Variants in LINGO2 observed in about 807,000 individuals in gnomAD.
LINGO2 encodes the protein leucine rich repeat and Ig domain containing 2, also known as leucine-rich repeat and immunoglobulin-like domain-containing nogo receptor-interacting protein 2.
A neutral mutation model predicts 30.6 loss-of-function variants in LINGO2; 14 were observed. That is an observed-to-expected ratio of 0.46 (90% CI 0.30 to 0.72). The LOEUF (loss-of-function observed/expected upper bound fraction) is 0.72, where lower values mean the gene tolerates loss of function less well. Ranked by LOEUF, LINGO2 falls within the 30% of genes least tolerant of loss-of-function variation. The pLI, the probability that LINGO2 is intolerant of heterozygous loss-of-function variation, is 0.07. For synonymous variants in LINGO2, 317 were observed against 288.5 expected (o/e 1.10, Z -1.00); for missense variants, 729 against 751.7 (o/e 0.97, Z 0.35).
At chr9:28,346,868 C>T (rs937237690) in intron 3 of LINGO2, among the ~76,000 whole-genome samples, 1 of 151,250 alleles carries the variant, frequency 6.6e-6, no homozygotes, top group Non-Finnish European at 1.5e-5. Flanking sequence ...CCTTTGTATA[C>T]TTTTTAATAG....
intron 2 of LINGO2, among the ~76,000 whole-genome samples, chr9:28,412,360 T>C (rs901698803): frequency 1.3e-5 from 2 of 152,096 alleles, no homozygotes; most frequent in Non-Finnish European, 2.9e-5. Context: ...AAAATATCTA[T>C]TCAAATCCTT....
intron 1 of LINGO2, among the ~76,000 whole-genome samples, chr9:28,580,532 G>T (rs1008855454): frequency 6.6e-6 from 1 of 150,764 alleles, no homozygotes; most frequent in Non-Finnish European, 1.5e-5. Flanking sequence ...ATCTATTTCA[G>T]CTCTTGACCA....
chr9:28,286,179 T>C (rs1049896978), intron 4 of LINGO2, among the ~76,000 whole-genome samples: 1 of 152,210 alleles, frequency 6.6e-6, no homozygotes, highest in Non-Finnish European at 1.5e-5. Flanking sequence ...TAAAGTAGCA[T>C]TATCTGACAA....
At chr9:27,999,461 A>AGAGAGAGAGC (rs1271403411) in intron 5 of LINGO2, among the ~76,000 whole-genome samples, 4 of 150,418 alleles carry the variant, frequency 2.7e-5, no homozygotes, top group African/African-American at 9.9e-5. Flanking sequence ...AGAGAGAGAG[A>AGAGAGAGAGC]GAGAGAGAGA....
rs962695032 is a variant in LINGO2, at chr9:28,174,921, T to TGTGTGTGTGTGA, written c.-87+120286_-87+120287insTCACACACACAC. Among the ~76,000 whole-genome samples the TGTGTGTGTGTGA allele has an allele frequency of 7.0e-3, 940 of 133,344 alleles. 5 individuals carry two copies. The highest frequency in any genetic ancestry group is 0.016 in the African/African-American group (564 of 35,432). The allele number at this position is 133,344 out of a possible 152,430, so 87.5% of individuals were successfully genotyped here. On this transcript the variant is annotated intron_variant, in intron 4 of 5. Coordinates refer to ENST00000379992, the Ensembl canonical transcript of LINGO2. The stretch of plus-strand genomic sequence containing the variant: ...CTCTGTGTGTGTGTGTGTGTGTGTG[T>TGTGTGTGTGTGA]GAGAGAGAGAGAGAGAGAGAGAGAG...
At chr9:28,314,368 C>T (rs1246562369) in intron 3 of LINGO2, among the ~76,000 whole-genome samples, 1 of 152,134 alleles carries the variant, frequency 6.6e-6, no homozygotes, top group Admixed American at 6.5e-5. Context: ...CAATTTGAAA[C>T]CCAAGACAAA....
chr9:28,790,325 C>CTTTCTTTTTTTTTTT, the LINGO2 span, among the ~76,000 whole-genome samples: 3 of 106,300 alleles, frequency 2.8e-5, no homozygotes, highest in African/African-American at 1.2e-4. Flanking sequence ...TCTTTTCTTT[C>CTTTCTTTTTTTTTTT]TTTTTTTTTT....
chr9:29,201,293 T>C, the LINGO2 span, among the ~76,000 whole-genome samples: 1 of 152,078 alleles, frequency 6.6e-6, no homozygotes, highest in South Asian at 2.1e-4. Flanking sequence ...CGCATGGATA[T>C]TTTAGGCACA....
At chr9:28,622,054 A>G (rs1826423674) in intron 1 of LINGO2, among the ~76,000 whole-genome samples, 2 of 152,116 alleles carry the variant, frequency 1.3e-5, no homozygotes, top group African/African-American at 2.4e-5. Flanking sequence ...TACTAGGTGC[A>G]TATATGTATG....
At chr9:28,246,870 T>C (rs1822020583) in intron 4 of LINGO2, among the ~76,000 whole-genome samples, 1 of 152,100 alleles carries the variant, frequency 6.6e-6, no homozygotes. Context: ...AAAGGTCTAA[T>C]ATACAGAATT....
chr9:28,532,879 T>C (rs1022173870), intron 1 of LINGO2, among the ~76,000 whole-genome samples: 1 of 152,102 alleles, frequency 6.6e-6, no homozygotes, highest in Non-Finnish European at 1.5e-5. Flanking sequence ...CTGCCTCTTA[T>C]AGACCGAATC....
chr9:28,473,941 C>T (rs767271432), intron 2 of LINGO2, among the ~76,000 whole-genome samples: 7 of 152,008 alleles, frequency 4.6e-5, no homozygotes, highest in Non-Finnish European at 8.8e-5. Flanking sequence ...TGATAAAAAA[C>T]ATTCCATCAG....
chr9:28,857,709 G>A, the LINGO2 span, among the ~76,000 whole-genome samples: 4 of 151,932 alleles, frequency 2.6e-5, no homozygotes, highest in African/African-American at 7.2e-5. Context: ...AGTCCAAACC[G>A]AGATATGCTG....
chr9:28,389,358 T>C (rs1821731820), intron 2 of LINGO2, among the ~76,000 whole-genome samples: 1 of 152,198 alleles, frequency 6.6e-6, no homozygotes, highest in East Asian at 1.9e-4. Flanking sequence ...ATATTATTAC[T>C]TTACAATTTC....
At chr9:28,821,206 T>C in the LINGO2 span, among the ~76,000 whole-genome samples, 3 of 152,214 alleles carry the variant, frequency 2.0e-5, no homozygotes, top group African/African-American at 4.8e-5. Context: ...ACTAGGGGCA[T>C]ATCTTGGAGG....
At chr9:28,311,222 A>G (rs1280845877) in intron 3 of LINGO2, among the ~76,000 whole-genome samples, 1 of 152,150 alleles carries the variant, frequency 6.6e-6, no homozygotes, top group East Asian at 1.9e-4. Context: ...CAGAGATCAC[A>G]TGCTTCACAA....
intron 4 of LINGO2, among the ~76,000 whole-genome samples, chr9:28,097,996 A>C (rs1225131368): frequency 6.6e-6 from 1 of 152,152 alleles, no homozygotes; most frequent in Non-Finnish European, 1.5e-5. Context: ...TTTTAATAAA[A>C]AGATGTTTTT....
chr9:28,856,857 A>T, the LINGO2 span, among the ~76,000 whole-genome samples: 1 of 152,162 alleles, frequency 6.6e-6, no homozygotes, highest in South Asian at 2.1e-4. Flanking sequence ...GGCTAAACTG[A>T]TGATAGTAGA....
the LINGO2 span, among the ~76,000 whole-genome samples, chr9:28,788,335 T>C: frequency 6.6e-6 from 1 of 152,206 alleles, no homozygotes; most frequent in Non-Finnish European, 1.5e-5. Context: ...ACCATATTTT[T>C]AAAGTAAATT....
Sources: gnomAD v4.1 joint callset for allele counts (sites outside exome capture counted in the v4.1 genomes callset) on GRCh38, gnomAD v4.1.1 for gene constraint, MANE v1.5 for transcripts, NCBI Gene and HGNC (gene_info 2026-07-23, HGNC 2026-07-21) for gene names.